The following NLGN4X variants were observed in gnomAD, a reference collection of about 807,000 sequenced individuals.
The protein encoded by NLGN4X is neuroligin-4, X-linked.
In NLGN4X, 3 loss-of-function variants were observed where a neutral mutation model predicts 40.3. That is an observed-to-expected ratio of 0.07 (90% confidence interval 0.03 to 0.19). The LOEUF is 0.19. Ranked by LOEUF, NLGN4X falls within the 10% of genes least tolerant of loss-of-function variation. NLGN4X has a pLI of 1.00. For synonymous variants in NLGN4X, 270 were observed against 306.8 expected, an observed-to-expected ratio of 0.88 and a Z score of 1.25; for missense variants, 382 against 708.3, an observed-to-expected ratio of 0.54 and a Z score of 5.23.
intron 4 of NLGN4X, among the ~76,000 whole-genome samples, chrX:5,908,074 A>C (rs1158524260): frequency 1.1e-5 from 1 of 91,304 alleles, no homozygotes; most frequent in African/African-American, 4.1e-5. Flanking sequence ...GAGGAGAGAC[A>C]GTGGAAGGAG....
chrX:6,226,136 C>T (rs1220264327), intron 1 of NLGN4X, among the ~76,000 whole-genome samples: 2 of 106,692 alleles, frequency 1.9e-5, no homozygotes, highest in Non-Finnish European at 3.9e-5. Flanking sequence ...AGCACCCGGG[C>T]GAGTTGCAAG....
chrX:6,187,827 T>C (rs1342559647), intron 1 of NLGN4X: 1 of 111,621 alleles, frequency 9.0e-6, no homozygotes, highest in Non-Finnish European at 1.9e-5. Flanking sequence ...TTTTGCAGAA[T>C]GGGAAAACTG....
intron 2 of NLGN4X, among the ~76,000 whole-genome samples, chrX:6,033,131 A>T (rs2036915346): frequency 1.8e-5 from 2 of 112,068 alleles, no homozygotes; most frequent in Non-Finnish European, 1.9e-5. Context: ...AGAAATGCTT[A>T]TGGCGTATTC....
intron 1 of NLGN4X, among the ~76,000 whole-genome samples, chrX:6,223,568 G>A (rs1925895064): frequency 8.9e-6 from 1 of 112,180 alleles, no homozygotes; most frequent in South Asian, 3.7e-4. Flanking sequence ...GAAAAATGAG[G>A]AAGGGCTTCC....
intron 2 of NLGN4X, among the ~76,000 whole-genome samples, chrX:6,042,730 T>TATATATACAC (rs1215396694): frequency 6.9e-4 from 14 of 20,162 alleles, no homozygotes; most frequent in African/African-American, 1.7e-3. Flanking sequence ...TATATATATA[T>TATATATACAC]ACACACACAC....
intron 3 of NLGN4X, among the ~76,000 whole-genome samples, chrX:5,910,825 C>T (rs1415436230): frequency 9.0e-6 from 1 of 111,559 alleles, no homozygotes; most frequent in Non-Finnish European, 1.9e-5. Context: ...AGAGAGGCAG[C>T]GTCGCAACTG....
At chrX:5,929,807 T>C (rs957069252) in intron 3 of NLGN4X, among the ~76,000 whole-genome samples, 2 of 112,613 alleles carry the variant, frequency 1.8e-5, no homozygotes, top group African/African-American at 6.4e-5. Flanking sequence ...CATAAGGCAA[T>C]GAAGACCCAA....
At chrX:6,036,270 T>G (rs2037002781) in intron 2 of NLGN4X, among the ~76,000 whole-genome samples, 1 of 111,566 alleles carries the variant, frequency 9.0e-6, no homozygotes, top group South Asian at 3.8e-4. Context: ...GCTTGTTAGT[T>G]GCAATAAAAA....
chrX:6,215,625 A>G (rs764288934), intron 1 of NLGN4X, among the ~76,000 whole-genome samples: 1 of 111,463 alleles, frequency 9.0e-6, no homozygotes, highest in African/African-American at 3.3e-5. Flanking sequence ...ATGAGGGAAT[A>G]CAAATGATTG....
chrX:5,892,257 C>T lies in NLGN4X; in HGVS notation c.*560G>A, dbSNP rs1472297891. ...GGCAAAACACCTCTTTGCACAGAACCGTACAGATTTCGCTGCACAGTCCAT... is the reference window on the plus strand; with the variant it reads ...GGCAAAACACCTCTTTGCACAGAACTGTACAGATTTCGCTGCACAGTCCAT... On this transcript the variant is annotated 3_prime_UTR_variant, in exon 6 of 6. Coordinates refer to ENST00000381095, the MANE Select transcript of NLGN4X (RefSeq NM_181332.3). 2 of 135,632 alleles carry T rather than the reference C, an allele frequency of 1.5e-5. No homozygotes were observed. Among genetic ancestry groups the T allele is most frequent in the South Asian group, 2.2e-4 (1 of 4,623 alleles). The allele number at this position is 135,632 out of a possible 1,213,427, so 11.2% of individuals were successfully genotyped here. A position where few individuals can be genotyped will look rare whatever the true frequency, so the allele number is the denominator to read the frequency against.
intron 3 of NLGN4X, among the ~76,000 whole-genome samples, chrX:5,916,586 A>C (rs1455352257): frequency 9.0e-6 from 1 of 110,919 alleles, no homozygotes; most frequent in Non-Finnish European, 1.9e-5. Flanking sequence ...AATAGCTGGG[A>C]TTACAGGAAT....
chrX:6,152,603 A>G (rs757508216), intron 1 of NLGN4X, among the ~76,000 whole-genome samples: 75 of 112,115 alleles, frequency 6.7e-4, no homozygotes, highest in Non-Finnish European at 1.9e-5. Flanking sequence ...TCAAATGAAA[A>G]GAGTGTAGAC....
rs1180614483 is a variant in NLGN4X, at chrX:6,151,412, C to T, written c.55G>A (p.Val19Ile). 4.1e-6 allele frequency: 5 copies of T among 1,209,770 alleles called. No individual in the cohort carries two copies. The highest frequency in any genetic ancestry group is 3.5e-5 in the South Asian group (2 of 56,801). The change falls in exon 2 of 6, where the codon GTC becomes ATC. Residue 19 changes from valine (V) to isoleucine (I), a missense_variant. Physicochemically the swap from Val to Ile is conservative, Grantham distance 29 (BLOSUM62 3). Coordinates refer to ENST00000381095, the MANE Select transcript of NLGN4X (RefSeq NM_181332.3). ...AGGAGGACATTGGAGTTTAACATGA[C>T]GCAGACCGGGGTGAACAACAAAGGA... The part of the protein sequence containing the change: ...WLPLLFTPVC[V>I]MLNSNVLLWL...
intron 2 of NLGN4X, among the ~76,000 whole-genome samples, chrX:6,072,869 C>T (rs2038102812): frequency 8.9e-6 from 1 of 112,162 alleles, no homozygotes; most frequent in Non-Finnish European, 1.9e-5. Flanking sequence ...AAGGGCTGAC[C>T]AGACCAGCAG....
intron 1 of NLGN4X, among the ~76,000 whole-genome samples, chrX:6,164,282 A>T: frequency 8.9e-6 from 1 of 112,730 alleles, no homozygotes; most frequent in Non-Finnish European, 1.9e-5. Flanking sequence ...GTCACTTTTA[A>T]CCTCATTTCC....
intron 3 of NLGN4X, among the ~76,000 whole-genome samples, chrX:5,993,887 G>A (rs1360217986): frequency 8.9e-6 from 1 of 111,795 alleles, no homozygotes; most frequent in Non-Finnish European, 1.9e-5. Flanking sequence ...CAAGTCAAAT[G>A]AACTGCAGTG....
chrX:6,077,779 T>C (rs1346312867), intron 2 of NLGN4X, among the ~76,000 whole-genome samples: 2 of 111,830 alleles, frequency 1.8e-5, no homozygotes, highest in African/African-American at 6.5e-5. Flanking sequence ...AAAACTAATA[T>C]AGAAGTTTGG....
At chrX:6,096,458 A>C (rs2147470868) in intron 2 of NLGN4X, among the ~76,000 whole-genome samples, 1 of 111,679 alleles carries the variant, frequency 9.0e-6, no homozygotes, top group African/African-American at 3.2e-5. Context: ...CTCAAGATTA[A>C]CCTTTAGAAT....
intron 1 of NLGN4X, among the ~76,000 whole-genome samples, chrX:6,162,423 A>T (rs2040419387): frequency 9.0e-6 from 1 of 111,723 alleles, no homozygotes; most frequent in Non-Finnish European, 1.9e-5. Flanking sequence ...CTGGGTGGGC[A>T]CCATCTAATC....
Sources: gnomAD v4.1 joint callset for allele counts (sites outside exome capture counted in the v4.1 genomes callset) on GRCh38, gnomAD v4.1.1 for gene constraint, MANE v1.5 for transcripts, NCBI Gene and HGNC (gene_info 2026-07-23, HGNC 2026-07-21) for gene names.